PTPRG: variants seen among roughly 807,000 people sequenced by gnomAD.
PTPRG encodes the protein receptor-type tyrosine-protein phosphatase gamma.
PTPRG carries 102 observed loss-of-function variants against 165.3 expected under a neutral mutation model. That is an observed-to-expected ratio of 0.62 (90% CI 0.53 to 0.73). PTPRG has a LOEUF of 0.73. PTPRG is among the 30% of genes least tolerant of loss of function. The pLI is 0.00. For missense variants in PTPRG, 1,866 were observed against 1,861.4 expected, an observed-to-expected ratio of 1.00 and a Z score of -0.05; for synonymous variants, 675 against 669.5, an observed-to-expected ratio of 1.01 and a Z score of -0.13.
intron 2 of PTPRG, chr3:61,753,638 G>A (rs188765700): frequency 3.9e-4 from 168 of 433,128 alleles, no homozygotes; most frequent in African/African-American, 3.2e-3. Flanking sequence ...AGGCTGGAGT[G>A]CAGTGCCTCG....
chr3:62,191,391 G>C (rs1175933903), intron 8 of PTPRG, 78 bp from the exon 9 acceptor site: 3 of 1,380,458 alleles, frequency 2.2e-6, no homozygotes, highest in Non-Finnish European at 2.0e-6. Context: ...AACTTTTTGA[G>C]GCTGCAGTCC....
chr3:61,790,070 A>T (rs1306988017), intron 2 of PTPRG, among the ~76,000 whole-genome samples: 1 of 152,188 alleles, frequency 6.6e-6, no homozygotes, highest in Non-Finnish European at 1.5e-5. Context: ...CCTGTGTTGC[A>T]GAGTTCACAG....
At chr3:61,978,044 G>A (rs9985385) in intron 2 of PTPRG, among the ~76,000 whole-genome samples, 70,285 of 152,016 alleles carry the variant, frequency 0.46, 17,070 homozygotes, top group African/African-American at 0.63. Flanking sequence ...TAGAGACGGG[G>A]TTTCGCCTTG....
intron 1 of PTPRG, among the ~76,000 whole-genome samples, chr3:61,736,667 CCTGTGCACAGGTGGAAGTACACA>C (rs1408951231): frequency 1.3e-5 from 2 of 152,154 alleles, no homozygotes; most frequent in African/African-American, 4.8e-5. Flanking sequence ...TCCACAGTCC[CCTGTGCACAGGTGGAAGTACACA>C]CTTAACAATG....
At chr3:61,720,989 G>A (rs2032020973) in intron 1 of PTPRG, among the ~76,000 whole-genome samples, 1 of 152,172 alleles carries the variant, frequency 6.6e-6, no homozygotes, top group Non-Finnish European at 1.5e-5. Context: ...TTTATTGTCT[G>A]TTCTATTTGC....
chr3:62,265,575 T>C (rs1186852229), intron 17 of PTPRG, among the ~76,000 whole-genome samples: 1 of 152,182 alleles, frequency 6.6e-6, no homozygotes, highest in African/African-American at 2.4e-5. Context: ...AATAAAATGT[T>C]ACAAAAACTC....
chr3:61,783,603 A>T (rs2034607288), intron 2 of PTPRG, among the ~76,000 whole-genome samples: 1 of 151,928 alleles, frequency 6.6e-6, no homozygotes, highest in African/African-American at 2.4e-5. Context: ...AGGAGGGTTG[A>T]GATGGTGTGT....
chr3:62,207,426 C>G (rs750698460), intron 12 of PTPRG, among the ~76,000 whole-genome samples: 1 of 152,226 alleles, frequency 6.6e-6, no homozygotes, highest in Non-Finnish European at 1.5e-5. Flanking sequence ...GGTCTTGCTT[C>G]ACTTCCATTC....
chr3:61,596,246 C>T (rs1253865165), intron 1 of PTPRG, among the ~76,000 whole-genome samples: 1 of 152,140 alleles, frequency 6.6e-6, no homozygotes, highest in Non-Finnish European at 1.5e-5. Context: ...AACTTGTTTT[C>T]CATTGTAAGA....
intron 2 of PTPRG, among the ~76,000 whole-genome samples, chr3:61,775,030 C>G (rs1350337199): frequency 6.6e-6 from 1 of 152,066 alleles, no homozygotes; most frequent in Non-Finnish European, 1.5e-5. Context: ...ATTTTTTTGA[C>G]TCGTATGTGA....
At chr3:61,571,434 T>C (rs548688957) in intron 1 of PTPRG, among the ~76,000 whole-genome samples, 1 of 152,302 alleles carries the variant, frequency 6.6e-6, no homozygotes, top group East Asian at 1.9e-4. Flanking sequence ...ACCCTGTTAC[T>C]TTTCCCATAT....
intron 1 of PTPRG, among the ~76,000 whole-genome samples, chr3:61,701,096 C>T (rs968542544): frequency 1.8e-4 from 27 of 152,062 alleles, no homozygotes; most frequent in African/African-American, 6.5e-4. Flanking sequence ...CTTGCTTGCC[C>T]CTTTGTTCTG....
intron 1 of PTPRG, among the ~76,000 whole-genome samples, chr3:61,606,469 T>G (rs116733753): frequency 6.6e-6 from 1 of 152,226 alleles, no homozygotes; most frequent in Admixed American, 6.5e-5. Context: ...GCCATTGATA[T>G]ACATCTGCAA....
At chr3:61,689,641 T>A (rs1469842433) in intron 1 of PTPRG, among the ~76,000 whole-genome samples, 3 of 152,224 alleles carry the variant, frequency 2.0e-5, no homozygotes, top group Non-Finnish European at 4.4e-5. Flanking sequence ...AAGTGTGAAT[T>A]GCATCAGATC....
At chr3:61,780,368 A>G (rs144288378) in intron 2 of PTPRG, among the ~76,000 whole-genome samples, 251 of 152,326 alleles carry the variant, frequency 1.6e-3, no homozygotes, top group African/African-American at 5.5e-3. Flanking sequence ...AGAATGCTTA[A>G]TGAAGCATTA....
intron 2 of PTPRG, among the ~76,000 whole-genome samples, chr3:61,964,380 C>A (rs1308484852): frequency 2.0e-5 from 3 of 152,100 alleles, no homozygotes; most frequent in Non-Finnish European, 1.5e-5. Context: ...TTCTTATGGA[C>A]TGGGGGACTT....
intron 1 of PTPRG, among the ~76,000 whole-genome samples, chr3:61,681,877 C>T (rs997010250): frequency 4.6e-5 from 7 of 152,134 alleles, no homozygotes; most frequent in African/African-American, 1.7e-4. Context: ...TGGCCGGGCG[C>T]AGTGGCTCAC....
At chr3:61,633,818 A>G (rs1289707238) in intron 1 of PTPRG, among the ~76,000 whole-genome samples, 1 of 151,886 alleles carries the variant, frequency 6.6e-6, no homozygotes, top group Non-Finnish European at 1.5e-5. Context: ...ACTATTGAGT[A>G]TGATGTTAGC....
chr3:61,822,282 C>G (rs1406563466), intron 2 of PTPRG, among the ~76,000 whole-genome samples: 1 of 152,204 alleles, frequency 6.6e-6, no homozygotes, highest in Non-Finnish European at 1.5e-5. Context: ...CGTTGGGTTT[C>G]ACGTTGTAAT....
Sources: gnomAD v4.1 joint callset for allele counts (sites outside exome capture counted in the v4.1 genomes callset) on GRCh38, gnomAD v4.1.1 for gene constraint, MANE v1.5 for transcripts, NCBI Gene and HGNC (gene_info 2026-07-23, HGNC 2026-07-21) for gene names.